Variants in INTS9 observed in about 807,000 individuals in gnomAD.
INTS9 encodes protein related to CPSF subunits of 74 kDa.
A neutral mutation model predicts 79.7 loss-of-function variants in INTS9; 55 were observed. That is an observed-to-expected ratio of 0.69 (90% CI 0.56 to 0.86). The LOEUF is 0.86. Among genes scored for constraint, INTS9 ranks in the 40% least tolerant of loss-of-function variants. INTS9 has a pLI of 0.00. For missense variants in INTS9, 721 were observed against 831.5 expected (o/e 0.87, Z 1.64); for synonymous variants, 319 against 325.2 (o/e 0.98, Z 0.20).
chr8:28,774,071 C>A (rs1802728933), intron 14 of INTS9, among the ~76,000 whole-genome samples: 2 of 152,154 alleles, frequency 1.3e-5, no homozygotes. Context: ...CCTCGGCCTC[C>A]CACAGTGCTA....
chr8:28,850,397 C>T (rs754203941), intron 2 of INTS9, 124 bp from the exon 3 acceptor site: 29 of 584,474 alleles, frequency 5.0e-5, no homozygotes, highest in Non-Finnish European at 6.9e-5. Context: ...AGTTCTTACC[C>T]TAAATTCCAA....
At chr8:28,839,645 T>C (rs1021474960) in intron 4 of INTS9, among the ~76,000 whole-genome samples, 9 of 152,040 alleles carry the variant, frequency 5.9e-5, no homozygotes, top group Non-Finnish European at 8.8e-5. Context: ...CGCATATCTA[T>C]AACTATCTGA....
intron 1 of INTS9, among the ~76,000 whole-genome samples, chr8:28,860,784 C>G (rs1430295122): frequency 6.6e-6 from 1 of 152,174 alleles, no homozygotes; most frequent in Non-Finnish European, 1.5e-5. Context: ...GCCCGACCCT[C>G]TCCTGATTTA....
At position 28,798,849 on chromosome 8, in the gene INTS9, A is replaced by C. The variant is rs552314844; in HGVS notation, c.745-2194T>G. Among the ~76,000 whole-genome samples, 37 of 152,108 alleles carry C rather than the reference A, an allele frequency of 2.4e-4. No homozygotes were observed. The South Asian group carries it at 7.7e-3, about 32-fold the overall frequency. On this transcript the variant is annotated intron_variant, in intron 8 of 16. Transcript: ENST00000521022. ...AACTGGGTGGTGAAATGGGGCCATG[A>C]CCCCAAAAAGATGAAGAACTACTGA...
chr8:28,876,775 G>A (rs1029138110), intron 1 of INTS9, among the ~76,000 whole-genome samples: 12 of 152,066 alleles, frequency 7.9e-5, no homozygotes, highest in African/African-American at 2.9e-4. Context: ...TCAACAAGGG[G>A]CCTGTGTAGT....
At chr8:28,835,423 G>T (rs1207680571) in intron 5 of INTS9, 45 bp from the exon 6 acceptor site, 3 of 1,412,658 alleles carry the variant, frequency 2.1e-6, no homozygotes, top group Non-Finnish European at 2.0e-6. Context: ...TAAAAAATTA[G>T]AGAAACACCC....
At chr8:28,815,873 C>T (rs1016537560) in intron 6 of INTS9, among the ~76,000 whole-genome samples, 1 of 152,072 alleles carries the variant, frequency 6.6e-6, no homozygotes, top group African/African-American at 2.4e-5. Context: ...CGAAACTACA[C>T]ACTAAAAGAA....
At position 28,882,501 on chromosome 8, in the gene INTS9, AAAAG is replaced by A. The variant is rs796489603; in HGVS notation, c.9+7369_9+7372del. Among the ~76,000 whole-genome samples the A allele has an allele frequency of 2.4e-3, 354 of 146,936 alleles. 2 individuals are homozygous for A. Among genetic ancestry groups the A allele is most frequent in the African/African-American group, 8.3e-3 (334 of 40,154 alleles). The stretch of plus-strand genomic sequence containing the variant: ...AAATAAAATAAAATAAAATAAAAAA[AAAAG>A]AAATATATGCAAGCGATATTAACAG... On this transcript the variant is annotated intron_variant, in intron 1 of 16. Transcript: ENST00000521022.
intron 1 of INTS9, among the ~76,000 whole-genome samples, chr8:28,868,768 T>G (rs572220373): frequency 6.6e-6 from 1 of 152,320 alleles, no homozygotes; most frequent in East Asian, 1.9e-4. Context: ...CTCTTTTATA[T>G]AACCTGTCAC....
chr8:28,850,154 T>C (rs1285091061), intron 3 of INTS9, 59 bp downstream of exon 3: 2 of 1,411,278 alleles, frequency 1.4e-6, no homozygotes, highest in Admixed American at 1.8e-5. Flanking sequence ...GGCTCTGGTA[T>C]GAGAAGATAG....
At chr8:28,797,212 T>C (rs749974824) in intron 8 of INTS9, among the ~76,000 whole-genome samples, 7 of 152,180 alleles carry the variant, frequency 4.6e-5, no homozygotes, top group Non-Finnish European at 1.0e-4. Context: ...TTGAGAAGCA[T>C]ACGTTATAGA....
chr8:28,767,996 C>G lies in INTS9; in HGVS notation c.*150G>C, dbSNP rs1802306955. The G allele has an allele frequency of 5.6e-6, 4 of 720,476 alleles. No individual in the cohort carries two copies. 44.6% of individuals were successfully genotyped at this position (720,476 alleles called of 1,614,324 possible). ...AACAGTGCTGGGAATAAGTCCAGACCATTTCCCTCAAGAGCCACCTCTTCA... is the reference window on the plus strand; with the variant it reads ...AACAGTGCTGGGAATAAGTCCAGACGATTTCCCTCAAGAGCCACCTCTTCA... On this transcript the variant is annotated 3_prime_UTR_variant, in exon 17 of 17. Transcript: ENST00000521022.
intron 1 of INTS9, 96 bp downstream of exon 1, chr8:28,889,778 C>T (rs1357441840): frequency 7.2e-7 from 1 of 1,385,854 alleles, no homozygotes; most frequent in Non-Finnish European, 1.0e-6. Context: ...ATTGCTACCC[C>T]TCCCGTGCGA....
intron 12 of INTS9, 120 bp from the exon 13 acceptor site, chr8:28,778,073 G>A: frequency 8.9e-7 from 1 of 1,117,794 alleles, no homozygotes; most frequent in Middle Eastern, 2.7e-4. Flanking sequence ...GAGCCAGGAA[G>A]CACACGTGGG....
intron 1 of INTS9, among the ~76,000 whole-genome samples, chr8:28,879,876 G>C (rs977423248): frequency 2.6e-5 from 4 of 152,098 alleles, no homozygotes; most frequent in South Asian, 2.1e-4. Context: ...CAAATCTACC[G>C]AGACTCGTGG....
rs1329810871 is a variant in INTS9 at position 28,768,233 on chromosome 8, T to G, written c.1890A>C (p.Glu630Asp). 1.9e-6 allele frequency: 3 copies of G among 1,614,188 alleles called. No individual in the cohort carries two copies. Among genetic ancestry groups the G allele is most frequent in the African/African-American group, 1.3e-5 (1 of 75,058 alleles). ...QEAETLIQIE[E>D]DSTHIICDND... is the part of the protein sequence containing the mutation. ...TGTCGCAGATGATATGGGTCGAGTC[T>G]TCTTCAATCTGGATGAGCGTCTCAG... Residue 630 changes from glutamate to aspartate, a missense_variant, in exon 17 of 17, where the codon GAA becomes GAC. Transcript: ENST00000521022.
At chr8:28,820,656 C>A (rs971814946) in intron 6 of INTS9, among the ~76,000 whole-genome samples, 2 of 152,094 alleles carry the variant, frequency 1.3e-5, no homozygotes, top group Non-Finnish European at 2.9e-5. Flanking sequence ...AAGTGACTTT[C>A]AAGGCCAAAG....
At chr8:28,867,249 CCT>C (rs2131322395) in intron 1 of INTS9, among the ~76,000 whole-genome samples, 1 of 152,264 alleles carries the variant, frequency 6.6e-6, no homozygotes, top group Admixed American at 6.5e-5. Flanking sequence ...ATGGTAAAAC[CCT>C]GTCTCAACTG....
chr8:28,860,998 A>C (rs2131298299), intron 1 of INTS9, among the ~76,000 whole-genome samples: 1 of 152,364 alleles, frequency 6.6e-6, no homozygotes, highest in East Asian at 1.9e-4. Flanking sequence ...TGGTAAGGCC[A>C]AGAGCCAAGA....
Sources: allele counts gnomAD v4.1 joint callset (sites outside exome capture counted in the v4.1 genomes callset), GRCh38; gene constraint gnomAD v4.1.1; transcripts MANE v1.5; gene names NCBI Gene and HGNC (gene_info 2026-07-23, HGNC 2026-07-21).